The following DSCAM variants were observed in gnomAD, a reference collection of about 807,000 sequenced individuals.
DSCAM encodes cell adhesion molecule DSCAM.
In DSCAM, 47 loss-of-function variants were observed where a neutral mutation model predicts 217.7. The ratio of observed to expected loss-of-function variants is 0.22; its 90% CI spans 0.17 to 0.28. The LOEUF (loss-of-function observed/expected upper bound fraction) is 0.28, where lower values mean the gene tolerates loss of function less well. Ranked by LOEUF, DSCAM falls within the 10% of genes least tolerant of loss-of-function variation. The pLI, the probability that DSCAM is intolerant of heterozygous loss-of-function variation, is 1.00. For missense variants in DSCAM, 2,080 were observed against 2,618.3 expected (o/e 0.79, Z 4.49); for synonymous variants, 1,056 against 1,015.3 (o/e 1.04, Z -0.76).
At chr21:40,248,226 T>G (rs996091447) in intron 11 of DSCAM, among the ~76,000 whole-genome samples, 1 of 152,218 alleles carries the variant, frequency 6.6e-6, no homozygotes, top group Non-Finnish European at 1.5e-5. Context: ...TTCCCCATTA[T>G]CCTGGGAATT....
At chr21:40,463,198 C>A (rs567640560) in intron 3 of DSCAM, among the ~76,000 whole-genome samples, 47 of 152,138 alleles carry the variant, frequency 3.1e-4, no homozygotes, top group South Asian at 1.2e-3. Context: ...TATTATTGCA[C>A]ACCTACTAGA....
At chr21:40,809,240 G>C (rs952870472) in intron 1 of DSCAM, among the ~76,000 whole-genome samples, 1 of 152,134 alleles carries the variant, frequency 6.6e-6, no homozygotes. Flanking sequence ...AGGACAGACT[G>C]GTAGCTCATA....
At chr21:40,422,461 C>A (rs1261927965) in intron 3 of DSCAM, among the ~76,000 whole-genome samples, 1 of 116,420 alleles carries the variant, frequency 8.6e-6, no homozygotes, top group Non-Finnish European at 2.0e-5. Context: ...GAAACTCCAT[C>A]TCTACTAAAA....
chr21:40,241,190 A>T (rs2146942096), intron 11 of DSCAM, among the ~76,000 whole-genome samples: 1 of 152,338 alleles, frequency 6.6e-6, no homozygotes, highest in Non-Finnish European at 1.5e-5. Context: ...CTATCAACAG[A>T]GTAAAGAGAC....
Position 40,347,815 on chromosome 21 carries a change from G to C in DSCAM, c.1065C>G (p.Asn355Lys), listed in dbSNP as rs371570754. The change falls in exon 6 of 33, where the codon AAC (asparagine) becomes AAG (lysine). Residue 355 changes from asparagine to lysine, a missense_variant. By Grantham distance (94) the Asn-to-Lys change is moderately conservative. Coordinates refer to ENST00000400454, the MANE Select transcript of DSCAM (RefSeq NM_001389.5). ...CTGTGATCCTCACATTTTTTCCAGG[G>C]TTGAGGATTTCACCATTGCGGTACC... ...LSWYRNGEIL[N>K]PGKNVRITGI... 1.9e-6 allele frequency: 3 copies of C among 1,613,996 alleles called. No individual in the cohort carries two copies. The African/African-American group carries it at 4.0e-5, about 22-fold the overall frequency.
intron 1 of DSCAM, among the ~76,000 whole-genome samples, chr21:40,767,422 C>T (rs2091403327): frequency 6.6e-6 from 1 of 152,180 alleles, no homozygotes; most frequent in Non-Finnish European, 1.5e-5. Context: ...TACAGGACAA[C>T]CACCAGCTGC....
chr21:40,179,324 G>T (rs2090773503), intron 14 of DSCAM, among the ~76,000 whole-genome samples: 1 of 151,986 alleles, frequency 6.6e-6, no homozygotes, highest in East Asian at 1.9e-4. Context: ...TATTCACGCT[G>T]CGAGGGACAT....
intron 3 of DSCAM, among the ~76,000 whole-genome samples, chr21:40,430,371 C>T (rs115340364): frequency 6.1e-4 from 93 of 152,274 alleles, no homozygotes; most frequent in African/African-American, 2.1e-3. Context: ...CAGACCCACC[C>T]TTAATTTGTT....
chr21:40,548,788 A>G (rs910837065), intron 3 of DSCAM, among the ~76,000 whole-genome samples: 4 of 152,248 alleles, frequency 2.6e-5, no homozygotes, highest in African/African-American at 9.6e-5. Flanking sequence ...TTTGGGATAT[A>G]TAATTGTCCG....
Position 40,752,592 on chromosome 21 carries a change from C to T in DSCAM, c.44-43821G>A, listed in dbSNP as rs7284025. ...ATCCTAGATACTGAGAAGGCTGAGG[C>T]GAGAGGAGCACCTGAGCCCAGGAGT... On this transcript the variant is annotated intron_variant, in intron 1 of 32. Transcript: ENST00000400454. 9.8e-3 allele frequency among the ~76,000 whole-genome samples: 1,494 copies of T among 152,204 alleles called. 23 individuals carry two copies. Among genetic ancestry groups the T allele is most frequent in the African/African-American group, 0.033 (1,378 of 41,518 alleles).
intron 20 of DSCAM, among the ~76,000 whole-genome samples, chr21:40,104,808 G>T (rs2089797960): frequency 1.3e-5 from 2 of 152,130 alleles, no homozygotes; most frequent in East Asian, 3.9e-4. Context: ...AGGGGCATTT[G>T]GAAAATCTCT....
rs138647063 is a variant in DSCAM at position 40,366,171 on chromosome 21, A to C, written c.655+2928T>G. On this transcript the variant is annotated intron_variant, in intron 4 of 32. Coordinates refer to ENST00000400454, the MANE Select transcript of DSCAM (RefSeq NM_001389.5). Reference sequence around the variant, plus strand: ...GTAGGGTTGTGCCATTTTAATATGTAGTCATTATGCATTCTTTTTAATGAC... The same window carrying C: ...GTAGGGTTGTGCCATTTTAATATGTCGTCATTATGCATTCTTTTTAATGAC... Among the ~76,000 whole-genome samples, 401 of 152,262 alleles carry C rather than the reference A, an allele frequency of 2.6e-3. 2 individuals carry two copies. The highest frequency in any genetic ancestry group is 9.0e-3 in the African/African-American group (375 of 41,586).
At chr21:40,197,477 A>G (rs939195835) in intron 11 of DSCAM, among the ~76,000 whole-genome samples, 1 of 152,194 alleles carries the variant, frequency 6.6e-6, no homozygotes, top group Admixed American at 6.5e-5. Context: ...GGAAATGACT[A>G]GACCTATTCC....
chr21:40,314,369 T>C (rs2074173459), intron 8 of DSCAM, among the ~76,000 whole-genome samples: 1 of 152,180 alleles, frequency 6.6e-6, no homozygotes, highest in African/African-American at 2.4e-5. Context: ...TCAATCCTCC[T>C]GTGGATTCTC....
chr21:40,207,228 C>A (rs1048232196), intron 11 of DSCAM, among the ~76,000 whole-genome samples: 8 of 152,096 alleles, frequency 5.3e-5, no homozygotes, highest in African/African-American at 1.9e-4. Context: ...ATTCATTAAA[C>A]AAATGGAAAT....
At chr21:40,200,810 A>C (rs1171124423) in intron 11 of DSCAM, among the ~76,000 whole-genome samples, 2 of 152,180 alleles carry the variant, frequency 1.3e-5, no homozygotes, top group Non-Finnish European at 2.9e-5. Flanking sequence ...TAATGAGATT[A>C]TGTTAGAGGA....
At chr21:40,073,259 G>A (rs2089321506) in intron 27 of DSCAM, among the ~76,000 whole-genome samples, 1 of 152,226 alleles carries the variant, frequency 6.6e-6, no homozygotes. Context: ...TGGCGAGGGT[G>A]TAGACCGATG....
chr21:40,728,427 TTTTTA>T (rs574527375), intron 1 of DSCAM, among the ~76,000 whole-genome samples: 6 of 152,092 alleles, frequency 3.9e-5, no homozygotes, highest in Middle Eastern at 6.3e-3. Flanking sequence ...TTCTTTTTTT[TTTTTA>T]TTTTGAGACA....
At chr21:40,329,855 T>C (rs1320238504) in intron 8 of DSCAM, among the ~76,000 whole-genome samples, 2 of 151,788 alleles carry the variant, frequency 1.3e-5, no homozygotes, top group Non-Finnish European at 2.9e-5. Flanking sequence ...CTTATAGAAG[T>C]AGAAAGGAGA....
Sources: gnomAD v4.1 joint callset for allele counts (sites outside exome capture counted in the v4.1 genomes callset) on GRCh38, gnomAD v4.1.1 for gene constraint, MANE v1.5 for transcripts, NCBI Gene and HGNC (gene_info 2026-07-23, HGNC 2026-07-21) for gene names.